Variants in RRP7A observed in about 807,000 individuals in gnomAD.
The protein encoded by RRP7A is ribosomal RNA processing 7 homolog A.
RRP7A carries 27 observed loss-of-function variants against 38.4 expected under a neutral mutation model. The observed-to-expected ratio is 0.70, with a 90% CI of 0.52 to 0.97. The LOEUF (loss-of-function observed/expected upper bound fraction) is 0.97, where lower values mean the gene tolerates loss of function less well. RRP7A is among the 50% of genes least tolerant of loss of function. The pLI, the probability that RRP7A is intolerant of heterozygous loss-of-function variation, is 0.00. For missense variants in RRP7A, 327 were observed against 375.4 expected (o/e 0.87, Z 1.07); for synonymous variants, 124 against 150.3 (o/e 0.83, Z 1.28).
chr22:42,513,278 C>T (rs1369222320), intron 6 of RRP7A, among the ~76,000 whole-genome samples: 1 of 135,000 alleles, frequency 7.4e-6, no homozygotes, highest in Admixed American at 8.0e-5. Context: ...CGCCCCCACC[C>T]CCATCCCTGC....
At chr22:42,513,615 G>C (rs1288979231) in intron 6 of RRP7A, among the ~76,000 whole-genome samples, 1 of 129,120 alleles carries the variant, frequency 7.7e-6, no homozygotes, top group African/African-American at 2.9e-5. Context: ...TGGGGCAGGA[G>C]GCTCAGCCGC....
chr22:42,515,081 T>C, intron 4 of RRP7A, 70 bp downstream of exon 4: 1 of 652,590 alleles, frequency 1.5e-6, no homozygotes, highest in Middle Eastern at 4.1e-4. Flanking sequence ...ATTCAGACAC[T>C]GTCCCCATAG....
chr22:42,519,761 G>C lies in RRP7A; in HGVS notation c.26C>G (p.Ala9Gly), dbSNP rs574419077. MVARRRKC[A>G]ARDPEDRIPS... ...GATACGGTCCTCCGGGTCCCGCGCG[G>C]CGCACTTCCTCCTGCGCGCCACCAT... Residue 9 changes from alanine (A) to glycine (G), a missense_variant, in exon 1 of 7, where the codon GCC becomes GGC. This residue lies in a region of RRP7A where 183 missense variants were observed against 141.8 expected (regional missense o/e 1.29). Transcript: ENST00000323013. The C allele has an allele frequency of 6.9e-7, 1 of 1,451,864 alleles. No homozygotes were observed. The highest frequency in any genetic ancestry group is 1.3e-5 in the South Asian group (1 of 75,156). The allele number at this position is 1,451,864 out of a possible 1,614,324, so 89.9% of individuals were successfully genotyped here. A position where few individuals can be genotyped will look rare whatever the true frequency, so the allele number is the denominator to read the frequency against.
chr22:42,516,114 G>A lies in RRP7A; in HGVS notation c.239C>T (p.Ser80Phe). The A allele has an allele frequency of 1.2e-6, 2 of 1,613,552 alleles. No homozygotes were observed. Among genetic ancestry groups the A allele is most frequent in the Non-Finnish European group, 8.5e-7 (1 of 1,179,742 alleles). The part of the protein sequence containing the change: ...CTEESLSRLL[S>F]TCGLVQSVEL... The stretch of plus-strand genomic sequence containing the variant: ...TACAGACTGGACGAGGCCACAGGTG[G>A]ACAGGAGGCGGGACAGGCTCTCCTG... Residue 80 changes from serine to phenylalanine, a missense_variant, in exon 3 of 7, where the codon TCC becomes TTC. Physicochemically the swap from Ser to Phe is radical, Grantham distance 155. Transcript: ENST00000323013.
At chr22:42,517,661 C>CTG (rs796180213) in intron 2 of RRP7A, among the ~76,000 whole-genome samples, 47 of 152,176 alleles carry the variant, frequency 3.1e-4, no homozygotes, top group African/African-American at 1.1e-3. Context: ...CCAGGACTAC[C>CTG]CACACATGCC....
In RRP7A at chr22:42,516,152, G is replaced by T; in HGVS notation, c.217-16C>A. The T allele has an allele frequency of 6.2e-7, 1 of 1,612,146 alleles. No homozygotes were observed. Among genetic ancestry groups the T allele is most frequent in the South Asian group, 1.1e-5 (1 of 90,958 alleles). On this transcript the variant is annotated splice_polypyrimidine_tract_variant and intron_variant, in intron 2 of 6. Coordinates refer to ENST00000323013, the MANE Select transcript of RRP7A (RefSeq NM_015703.5). ...ACAGGCTCTCCTGCCGCAGGGAGAG[G>T]GAAGCCAAGTGTGAGCATCCGCAGG...
chr22:42,513,449 G>A (rs889791407), intron 6 of RRP7A, among the ~76,000 whole-genome samples: 1 of 107,776 alleles, frequency 9.3e-6, no homozygotes, highest in African/African-American at 3.4e-5. Context: ...AGCACGAGCG[G>A]GAGCCAGGAG....
intron 2 of RRP7A, 25 bp downstream of exon 2, chr22:42,517,980 T>C (rs645176): frequency 6.2e-7 from 1 of 1,608,092 alleles, no homozygotes; most frequent in Non-Finnish European, 8.5e-7. Context: ...CCCACAGGTC[T>C]CCTCCCAGAC....
At chr22:42,513,137 T>C (rs9607909) in intron 6 of RRP7A, 142 bp from the exon 7 acceptor site, 176,250 of 723,736 alleles carry the variant, frequency 0.24, 19,115 homozygotes, top group African/African-American at 0.39. Flanking sequence ...CCAGCTCTGC[T>C]GTGGGGGCAG....
intron 2 of RRP7A, among the ~76,000 whole-genome samples, chr22:42,517,075 C>T (rs1009449765): frequency 2.1e-4 from 32 of 152,052 alleles, no homozygotes; most frequent in African/African-American, 7.2e-4. Flanking sequence ...GTCAGCAGTT[C>T]GAGACCAGCC....
Position 42,510,993 on chromosome 22 carries a change from A to T in RRP7A, c.*1917T>A, listed in dbSNP as rs997884493. On this transcript the variant is annotated 3_prime_UTR_variant, in exon 7 of 7. Transcript: ENST00000323013. Reference sequence around the variant, plus strand: ...ACCCCTCCTTCTTGGGGCCAGGCACAATTAGGTGACCCAACTGCCAGAGAC... The same window carrying T: ...ACCCCTCCTTCTTGGGGCCAGGCACTATTAGGTGACCCAACTGCCAGAGAC... 2 of 183,012 alleles carry T rather than the reference A, an allele frequency of 1.1e-5. No individual in the cohort carries two copies. Among genetic ancestry groups the T allele is most frequent in the African/African-American group, 2.4e-5 (1 of 42,314 alleles). 11.3% of individuals were successfully genotyped at this position (183,012 alleles called of 1,614,324 possible). A position where few individuals can be genotyped will look rare whatever the true frequency, so the allele number is the denominator to read the frequency against.
Position 42,519,697 on chromosome 22 carries a change from G to T in RRP7A, c.73+17C>A. 6.9e-7 allele frequency: 1 copy of T among 1,442,468 alleles called. No homozygotes were observed. Among genetic ancestry groups the T allele is most frequent in the Non-Finnish European group, 9.1e-7 (1 of 1,097,554 alleles). 89.4% of individuals were successfully genotyped at this position (1,442,468 alleles called of 1,614,324 possible). On this transcript the variant is annotated intron_variant, in intron 1 of 6. Transcript: ENST00000323013. ...GATGCCTGACCGCCCCCGGTCTCGC[G>T]TCCCGGAGCCCCTCACCTGCGTAGC...
Position 42,511,825 on chromosome 22 carries a change from G to A in RRP7A, c.*1085C>T, listed in dbSNP as rs139433212. On this transcript the variant is annotated 3_prime_UTR_variant, in exon 7 of 7. Coordinates refer to ENST00000323013, the MANE Select transcript of RRP7A (RefSeq NM_015703.5). Reference sequence around the variant, plus strand: ...TATCTTTTCTCACGAGGACTACTTCGGATACAATCACAGCAACCCTGGCCT... The same window carrying A: ...TATCTTTTCTCACGAGGACTACTTCAGATACAATCACAGCAACCCTGGCCT... 21 of 408,942 alleles carry A rather than the reference G, an allele frequency of 5.1e-5. No individual in the cohort carries two copies. The highest frequency in any genetic ancestry group is 2.0e-4 in the Admixed American group (5 of 25,016). The allele number at this position is 408,942 out of a possible 1,614,324, so 25.3% of individuals were successfully genotyped here.
chr22:42,519,791 C>A lies in RRP7A; in HGVS notation c.-5G>T. ...CTTCCTCCTGCGCGCCACCATCTTGCCACCCGGGAGCGCGGGGGCCGCCGG... is the reference window on the plus strand; with the variant it reads ...CTTCCTCCTGCGCGCCACCATCTTGACACCCGGGAGCGCGGGGGCCGCCGG... On this transcript the variant is annotated 5_prime_UTR_variant, in exon 1 of 7. Transcript: ENST00000323013. 4 of 1,430,068 alleles carry A rather than the reference C, an allele frequency of 2.8e-6. No individual in the cohort carries two copies. The highest frequency in any genetic ancestry group is 2.9e-5 in the Admixed American group (1 of 34,308). The allele number at this position is 1,430,068 out of a possible 1,614,324, so 88.6% of individuals were successfully genotyped here. A position where few individuals can be genotyped will look rare whatever the true frequency, so the allele number is the denominator to read the frequency against.
chr22:42,514,516 C>CT (rs1920925217), intron 5 of RRP7A, among the ~76,000 whole-genome samples, 166 bp downstream of exon 5: 2 of 152,128 alleles, frequency 1.3e-5, no homozygotes, highest in African/African-American at 4.8e-5. Flanking sequence ...CATGTGGAGA[C>CT]TACATGTGTC....
rs1932498168 is a variant in RRP7A, at chr22:42,512,479, GAGGA to G, written c.*427_*430del. 1.2e-5 allele frequency: 7 copies of G among 571,790 alleles called. No homozygotes were observed. The highest frequency in any genetic ancestry group is 9.8e-5 in the Admixed American group (3 of 30,756). The allele number at this position is 571,790 out of a possible 1,614,324, so 35.4% of individuals were successfully genotyped here. A position where few individuals can be genotyped will look rare whatever the true frequency, so the allele number is the denominator to read the frequency against. ...CTGGCTAATAATCTCCAGCCAGCTGGAGGAAGGAAGGGCGGGCTGGGCCCACCTA... is the reference window on the plus strand; with the variant it reads ...CTGGCTAATAATCTCCAGCCAGCTGGAGGAAGGGCGGGCTGGGCCCACCTA... On this transcript the variant is annotated 3_prime_UTR_variant, in exon 7 of 7. Transcript: ENST00000323013.
At position 42,518,150 on chromosome 22, in the gene RRP7A, G is replaced by A; in HGVS notation, c.74-3C>T. On this transcript the variant is annotated splice_region_variant and splice_polypyrimidine_tract_variant and intron_variant, in intron 1 of 6. Coordinates refer to ENST00000323013, the MANE Select transcript of RRP7A (RefSeq NM_015703.5). The stretch of plus-strand genomic sequence containing the variant: ...TTCAGAGAACTTGATTGGAATAGCT[G>A]GAAAGGAAATGGGAGGGGAGGGATG... The A allele has an allele frequency of 6.2e-7, 1 of 1,610,754 alleles. No individual in the cohort carries two copies. Among genetic ancestry groups the A allele is most frequent in the East Asian group, 2.2e-5 (1 of 44,828 alleles).
At position 42,514,179 on chromosome 22, in the gene RRP7A, C is replaced by T. The variant is rs530809147; in HGVS notation, c.684G>A (p.Arg228=). The part of the protein sequence containing the change: ...TEAASLRVLE[R]ERRKRSRKEL... The stretch of plus-strand genomic sequence containing the variant: ...CTTTTCGGCTGCGCTTCCGTCTCTC[C>T]CTCTCCAGCACCCGCAAGCTGGCTG... Residue 228 remains arginine, a synonymous_variant, in exon 6 of 7, where the codon AGG becomes AGA. Coordinates refer to ENST00000323013, the MANE Select transcript of RRP7A (RefSeq NM_015703.5). 8.1e-6 allele frequency: 13 copies of T among 1,613,024 alleles called. No homozygotes were observed. The East Asian group carries it at 2.5e-4, about 30-fold the overall frequency.
At chr22:42,516,255 A>G (rs1192944662) in intron 2 of RRP7A, 119 bp from the exon 3 acceptor site, 9 of 1,393,754 alleles carry the variant, frequency 6.5e-6, no homozygotes, top group Non-Finnish European at 8.9e-6. Flanking sequence ...CCACAGCCAC[A>G]TCTGCCCAAG....
Sources: allele counts gnomAD v4.1 joint callset (sites outside exome capture counted in the v4.1 genomes callset), GRCh38; gene constraint gnomAD v4.1.1; regional missense constraint gnomAD v4.1.1; transcripts MANE v1.5; gene names NCBI Gene and HGNC (gene_info 2026-07-23, HGNC 2026-07-21).